Variants in PEX5L observed in about 807,000 individuals in gnomAD.
The protein encoded by PEX5L is peroxisomal biogenesis factor 5 like.
A neutral mutation model predicts 84.0 loss-of-function variants in PEX5L; 30 were observed. The observed-to-expected ratio is 0.36, with a 90% CI of 0.27 to 0.48. The LOEUF is 0.48. Ranked by LOEUF, PEX5L falls within the 20% of genes least tolerant of loss-of-function variation. The pLI, the probability that PEX5L is intolerant of heterozygous loss-of-function variation, is 0.99. For missense variants in PEX5L, 533 were observed against 754.6 expected (o/e 0.71, Z 3.44); for synonymous variants, 270 against 283.1 (o/e 0.95, Z 0.46).
chr3:179,986,604 G>T (rs551577580), intron 1 of PEX5L, among the ~76,000 whole-genome samples: 1 of 151,884 alleles, frequency 6.6e-6, no homozygotes, highest in Admixed American at 6.6e-5. Flanking sequence ...GGGTTTCACC[G>T]TGTTAGCCAG....
intron 1 of PEX5L, among the ~76,000 whole-genome samples, chr3:179,981,916 T>C (rs1359492567): frequency 6.6e-6 from 1 of 152,218 alleles, no homozygotes; most frequent in Non-Finnish European, 1.5e-5. Context: ...CAACAGGAAC[T>C]ATTTATGCAA....
intron 8 of PEX5L, among the ~76,000 whole-genome samples, chr3:179,847,791 T>A (rs1334072732): frequency 6.6e-6 from 1 of 152,122 alleles, no homozygotes; most frequent in African/African-American, 2.4e-5. Flanking sequence ...AGCCTTGACT[T>A]CCTGGGCTCA....
Position 180,010,890 on chromosome 3 carries a change from CCTT to C in PEX5L, c.21+25686_21+25688del, listed in dbSNP as rs1236326822. 1.0e-3 allele frequency among the ~76,000 whole-genome samples: 152 copies of C among 152,120 alleles called. 1 individual carries two copies. The highest frequency in any genetic ancestry group is 3.0e-3 in the African/African-American group (125 of 41,492). ...TAAAAACGTGCTTCTTGACATTACT[CCTT>C]CTTAATCTCACCTATGAAATGAGTT... On this transcript the variant is annotated intron_variant, in intron 1 of 14. Coordinates refer to ENST00000467460, the MANE Select transcript of PEX5L (RefSeq NM_016559.3).
intron 3 of PEX5L, among the ~76,000 whole-genome samples, chr3:179,888,431 C>T (rs922612875): frequency 6.6e-6 from 1 of 151,982 alleles, no homozygotes. Context: ...AAATATATCT[C>T]GGTAGATTCA....
At chr3:180,015,997 G>A (rs1169197401) in intron 1 of PEX5L, among the ~76,000 whole-genome samples, 1 of 151,712 alleles carries the variant, frequency 6.6e-6, no homozygotes, top group Non-Finnish European at 1.5e-5. Flanking sequence ...AAACTACAGA[G>A]ACAGAGAAAT....
chr3:179,932,767 A>G lies in PEX5L; in HGVS notation c.94-34521T>C, dbSNP rs116145900. ...ATTGACAAAAATTGCATATATTTATAATGTACGATATGATGTTTTGAAATA... is the reference window on the plus strand; with the variant it reads ...ATTGACAAAAATTGCATATATTTATGATGTACGATATGATGTTTTGAAATA... On this transcript the variant is annotated intron_variant, in intron 2 of 14. Transcript: ENST00000467460. 1.0e-2 allele frequency among the ~76,000 whole-genome samples: 1,519 copies of G among 152,326 alleles called. 22 individuals carry two copies. The highest frequency in any genetic ancestry group is 0.035 in the African/African-American group (1,451 of 41,580).
chr3:179,831,609 T>C (rs944354267), intron 8 of PEX5L, among the ~76,000 whole-genome samples: 3 of 152,110 alleles, frequency 2.0e-5, no homozygotes, highest in Non-Finnish European at 4.4e-5. Context: ...ACAGATGCAA[T>C]ACAGCATTAT....
In PEX5L at chr3:179,797,746, G is replaced by T. The variant is rs1422993893; in HGVS notation, c.*4082C>A. 1.3e-5 allele frequency: 2 copies of T among 151,696 alleles called. No homozygotes were observed. Among genetic ancestry groups the T allele is most frequent in the African/African-American group, 4.8e-5 (2 of 41,340 alleles). 9.4% of individuals were successfully genotyped at this position (151,696 alleles called of 1,614,324 possible). A position where few individuals can be genotyped will look rare whatever the true frequency, so the allele number is the denominator to read the frequency against. Reference sequence around the variant, plus strand: ...AATGAATTTGAAATTATTTTACAAGGTTGAAATCATAAGTGTGCACGTGTA... The same window carrying T: ...AATGAATTTGAAATTATTTTACAAGTTTGAAATCATAAGTGTGCACGTGTA... On this transcript the variant is annotated 3_prime_UTR_variant, in exon 15 of 15. Coordinates refer to ENST00000467460, the MANE Select transcript of PEX5L (RefSeq NM_016559.3).
At chr3:179,880,241 C>A (rs1190769025) in intron 4 of PEX5L, 118 bp from the exon 5 acceptor site, 2 of 569,264 alleles carry the variant, frequency 3.5e-6, no homozygotes, top group Non-Finnish European at 3.0e-6. Flanking sequence ...AATAAAATTA[C>A]GTTAGCTCAT....
intron 1 of PEX5L, among the ~76,000 whole-genome samples, chr3:180,023,760 ACG>A (rs1790631500): frequency 2.1e-5 from 3 of 144,400 alleles, no homozygotes; most frequent in African/African-American, 8.5e-5. Context: ...ACACACACAC[ACG>A]CACACACACA....
At chr3:179,890,967 A>ATT (rs34215597) in intron 3 of PEX5L, among the ~76,000 whole-genome samples, 4 of 143,566 alleles carry the variant, frequency 2.8e-5, no homozygotes, top group Non-Finnish European at 3.1e-5. Context: ...AGGTAAAAAA[A>ATT]TTTTTTTTTT....
chr3:179,860,510 T>C (rs1745695829), intron 7 of PEX5L, among the ~76,000 whole-genome samples: 1 of 152,202 alleles, frequency 6.6e-6, no homozygotes, highest in Non-Finnish European at 1.5e-5. Flanking sequence ...CCCGGGCCTT[T>C]GATGTTTGAA....
At chr3:179,947,383 C>T (rs185623249) in intron 2 of PEX5L, among the ~76,000 whole-genome samples, 3 of 152,154 alleles carry the variant, frequency 2.0e-5, no homozygotes, top group African/African-American at 7.2e-5. Flanking sequence ...GCTAAGAATA[C>T]ATTATTTCAA....
At chr3:179,814,025 T>C (rs1275354037) in intron 10 of PEX5L, among the ~76,000 whole-genome samples, 1 of 151,266 alleles carries the variant, frequency 6.6e-6, no homozygotes, top group East Asian at 1.9e-4. Context: ...TTCCCCACGT[T>C]GGCCAAGCTG....
intron 1 of PEX5L, among the ~76,000 whole-genome samples, chr3:179,995,118 T>C (rs1414113893): frequency 1.4e-5 from 2 of 147,820 alleles, no homozygotes; most frequent in Non-Finnish European, 3.0e-5. Context: ...CTATATATAC[T>C]ATATATATAC....
At chr3:179,938,027 C>G (rs1454698770) in intron 2 of PEX5L, among the ~76,000 whole-genome samples, 1 of 152,052 alleles carries the variant, frequency 6.6e-6, no homozygotes, top group Non-Finnish European at 1.5e-5. Context: ...ACCGTCACCA[C>G]TACCTTCACC....
chr3:179,880,649 T>C lies in PEX5L; in HGVS notation c.311-526A>G, dbSNP rs537328951. Among the ~76,000 whole-genome samples, 3 of 152,332 alleles carry C rather than the reference T, an allele frequency of 2.0e-5. No homozygotes were observed. The South Asian group carries it at 6.2e-4, about 32-fold the overall frequency. On this transcript the variant is annotated intron_variant, in intron 4 of 14. Coordinates refer to ENST00000467460, the MANE Select transcript of PEX5L (RefSeq NM_016559.3). ...GTTTGGGTTCACCCAAGAGAGGTAT[T>C]TTATAATCCATAGTTGATGAATAGG...
At chr3:180,012,510 C>G (rs1245082904) in intron 1 of PEX5L, among the ~76,000 whole-genome samples, 1 of 152,074 alleles carries the variant, frequency 6.6e-6, no homozygotes, top group Middle Eastern at 3.4e-3. Context: ...CAATTTAAAC[C>G]CATTGTCTTC....
At chr3:179,866,867 A>T (rs1438703526) in intron 7 of PEX5L, among the ~76,000 whole-genome samples, 1 of 151,412 alleles carries the variant, frequency 6.6e-6, no homozygotes, top group Non-Finnish European at 1.5e-5. Context: ...TCTACTAAAA[A>T]CACAAAAAAT....
Sources: gnomAD v4.1 joint callset for allele counts (sites outside exome capture counted in the v4.1 genomes callset) on GRCh38, gnomAD v4.1.1 for gene constraint, MANE v1.5 for transcripts, NCBI Gene and HGNC (gene_info 2026-07-23, HGNC 2026-07-21) for gene names.